Variants in ING2 observed in about 807,000 individuals in gnomAD.
The protein encoded by ING2 is inhibitor of growth family member 2.
In ING2, 7 loss-of-function variants were observed where a neutral mutation model predicts 30.6. That is an observed-to-expected ratio of 0.23 (90% confidence interval 0.13 to 0.43). The LOEUF (loss-of-function observed/expected upper bound fraction) is 0.43, where lower values mean the gene tolerates loss of function less well. Ranked by LOEUF, ING2 falls within the 20% of genes least tolerant of loss-of-function variation. The pLI, the probability that ING2 is intolerant of heterozygous loss-of-function variation, is 1.00. For missense variants in ING2, 239 were observed against 334.9 expected (o/e 0.71, Z 2.24); for synonymous variants, 136 against 121.7 (o/e 1.12, Z -0.78).
chr4:183,506,284 T>C (rs1179462468), intron 1 of ING2: 2 of 1,304,258 alleles, frequency 1.5e-6, no homozygotes, highest in Admixed American at 4.6e-5. Flanking sequence ...AGGACGGCGA[T>C]CAGCAGCTCG....
chr4:183,506,180 G>C, intron 1 of ING2: 1 of 1,296,386 alleles, frequency 7.7e-7, no homozygotes, highest in Non-Finnish European at 1.0e-6. Flanking sequence ...TCGGGGCTGT[G>C]CGGGGGCGTT....
chr4:183,510,639 C>T lies in ING2; in HGVS notation c.530C>T (p.Pro177Leu). The stretch of plus-strand genomic sequence containing the variant: ...GGGATTGAAGACTGTGATGATCAGC[C>T]ACCTAAAGAAAAGAAATCCAAGTCA... ...ANGIEDCDDQ[P>L]PKEKKSKSAK... The change falls in exon 2 of 2, where the codon CCA (proline) becomes CTA (leucine). Residue 177 changes from proline (P) to leucine (L), a missense_variant. Physicochemically the swap from Pro to Leu is moderately conservative, Grantham distance 98. Coordinates refer to ENST00000302327, the MANE Select transcript of ING2 (RefSeq NM_001564.4). The T allele has an allele frequency of 6.2e-7, 1 of 1,614,072 alleles. No homozygotes were observed. Among genetic ancestry groups the T allele is most frequent in the South Asian group, 1.1e-5 (1 of 91,080 alleles).
chr4:183,507,141 C>A (rs2111087046), intron 1 of ING2, among the ~76,000 whole-genome samples: 1 of 152,286 alleles, frequency 6.6e-6, no homozygotes, highest in East Asian at 1.9e-4. Flanking sequence ...TGCTCTGTCC[C>A]CTAGGCTGGA....
chr4:183,505,734 A>C (rs1430346404), intron 1 of ING2, among the ~76,000 whole-genome samples: 1 of 151,714 alleles, frequency 6.6e-6, no homozygotes, highest in African/African-American at 2.4e-5. Flanking sequence ...GGTCGGAGGG[A>C]GTGAGCGGCC....
At chr4:183,509,249 A>G (rs1028454510) in intron 1 of ING2, among the ~76,000 whole-genome samples, 2 of 152,170 alleles carry the variant, frequency 1.3e-5, no homozygotes, top group Non-Finnish European at 1.5e-5. Flanking sequence ...TGGACTGTAA[A>G]TCCTGTAAAC....
At position 183,511,823 on chromosome 4, in the gene ING2, G is replaced by A. The variant is rs1734827541; in HGVS notation, c.*871G>A. ...GTAGCCACAGGCCTATCAGTGGAAA[G>A]GGGCATATAGTAGTCTTTAAATATT... On this transcript the variant is annotated 3_prime_UTR_variant, in exon 2 of 2. Transcript: ENST00000302327. 6.6e-6 allele frequency among the ~76,000 whole-genome samples: 1 copy of A among 152,170 alleles called. No homozygotes were observed. Among genetic ancestry groups the A allele is most frequent in the Non-Finnish European group, 1.5e-5 (1 of 68,022 alleles).
intron 1 of ING2, among the ~76,000 whole-genome samples, chr4:183,509,619 T>C (rs1264470550): frequency 6.6e-6 from 1 of 151,902 alleles, no homozygotes; most frequent in Non-Finnish European, 1.5e-5. Flanking sequence ...CTAATTTTTT[T>C]TGTATTTTTA....
Position 183,505,247 on chromosome 4 carries a change from G to C in ING2, c.52G>C (p.Gly18Arg), listed in dbSNP as rs1734606524. The C allele has an allele frequency of 6.3e-7, 1 of 1,597,002 alleles. No homozygotes were observed. The highest frequency in any genetic ancestry group is 8.5e-7 in the Non-Finnish European group (1 of 1,172,914). The part of the protein sequence containing the change: ...QLYSSAALLT[G>R]ERSRLLTCYV... Reference sequence around the variant, plus strand: ...GTACTCGTCGGCCGCGCTCCTGACCGGGGAGCGGAGCCGGCTGCTCACCTG... The same window carrying C: ...GTACTCGTCGGCCGCGCTCCTGACCCGGGAGCGGAGCCGGCTGCTCACCTG... The change falls in exon 1 of 2, where the codon GGG becomes CGG. Residue 18 changes from glycine (G) to arginine (R), a missense_variant. This residue lies in a region of ING2 where 80 missense variants were observed against 102.4 expected (regional missense o/e 0.78). Coordinates refer to ENST00000302327, the MANE Select transcript of ING2 (RefSeq NM_001564.4).
At chr4:183,506,405 CCTT>C in intron 1 of ING2, 1 of 951,402 alleles carries the variant, frequency 1.1e-6, no homozygotes, top group Non-Finnish European at 1.5e-6. Flanking sequence ...CCGAGCCCCT[CCTT>C]CTCCGACTTT....
In ING2 at chr4:183,505,285, C is replaced by G. The variant is rs567832274; in HGVS notation, c.90C>G (p.Asp30Glu). 2.7e-5 allele frequency: 42 copies of G among 1,581,148 alleles called. 1 individual carries two copies. In the South Asian group the frequency reaches 4.5e-4, roughly 17 times the overall value. Residue 30 changes from aspartate to glutamate, a missense_variant, in exon 1 of 2, where the codon GAC becomes GAG. Physicochemically the swap from Asp to Glu is conservative, Grantham distance 45. Coordinates refer to ENST00000302327, the MANE Select transcript of ING2 (RefSeq NM_001564.4). ...RSRLLTCYVQ[D>E]YLECVESLPH... ...GGCTGCTCACCTGCTACGTGCAGGA[C>G]TACCTTGAGTGCGTGGAGTCGCTGC...
chr4:183,505,400 C>T (rs985245885), intron 1 of ING2, 33 bp downstream of exon 1: 3 of 1,507,634 alleles, frequency 2.0e-6, no homozygotes, highest in African/African-American at 1.4e-5. Context: ...CCTCGGGAGC[C>T]GGTGGCGGGG....
chr4:183,510,186 G>A (rs542316752), intron 1 of ING2, 96 bp from the exon 2 acceptor site: 1 of 853,620 alleles, frequency 1.2e-6, no homozygotes, highest in Admixed American at 2.6e-5. Flanking sequence ...TTCATGGTTT[G>A]AGTTCTAATT....
chr4:183,505,578 C>A (rs1579166388), intron 1 of ING2, among the ~76,000 whole-genome samples: 1 of 152,008 alleles, frequency 6.6e-6, no homozygotes, highest in South Asian at 2.1e-4. Context: ...GGGTGGGGGC[C>A]GCTTGTCAGC....
At chr4:183,506,427 A>G (rs62358469) in intron 1 of ING2, 138,307 of 765,572 alleles carry the variant, frequency 0.18, 14,077 homozygotes, top group Middle Eastern at 0.26. Context: ...TTAAGTGTGG[A>G]GGCGAAACCA....
rs919897212 is a variant in ING2, at chr4:183,512,100, G to A, written c.*1148G>A. Among the ~76,000 whole-genome samples the A allele has an allele frequency of 6.6e-6, 1 of 152,170 alleles. No homozygotes were observed. Among genetic ancestry groups the A allele is most frequent in the Non-Finnish European group, 1.5e-5 (1 of 68,030 alleles). On this transcript the variant is annotated 3_prime_UTR_variant, in exon 2 of 2. Coordinates refer to ENST00000302327, the MANE Select transcript of ING2 (RefSeq NM_001564.4). ...TGATGGATATATGTCCATATGTTTA[G>A]AGAAGGTTTTGGTTTTGGGGGCAGC...
chr4:183,511,072 G>GC lies in ING2; in HGVS notation c.*120_*121insC. Reference sequence around the variant, plus strand: ...TAATTTTTAATCATTAGTATTAATGGTGTATTAAAAGTTGTTGTACTTTGT... The same window carrying GC: ...TAATTTTTAATCATTAGTATTAATGGCTGTATTAAAAGTTGTTGTACTTTGT... On this transcript the variant is annotated 3_prime_UTR_variant, in exon 2 of 2. Transcript: ENST00000302327. 2.5e-6 allele frequency: 2 copies of GC among 807,622 alleles called. No homozygotes were observed. The highest frequency in any genetic ancestry group is 2.1e-5 in the South Asian group (1 of 48,710). 50.0% of individuals were successfully genotyped at this position (807,622 alleles called of 1,614,324 possible).
intron 1 of ING2, chr4:183,506,293 C>T (rs1477177971): frequency 2.3e-6 from 3 of 1,304,122 alleles, no homozygotes; most frequent in African/African-American, 3.0e-5. Context: ...ATCAGCAGCT[C>T]GGACCGTCGC....
At chr4:183,508,344 G>A (rs1734730163) in intron 1 of ING2, among the ~76,000 whole-genome samples, 1 of 151,906 alleles carries the variant, frequency 6.6e-6, no homozygotes, top group African/African-American at 2.4e-5. Flanking sequence ...TTGAAAAGAG[G>A]TTTGCCTCTT....
chr4:183,508,146 A>G (rs941732870), intron 1 of ING2, among the ~76,000 whole-genome samples: 3 of 151,718 alleles, frequency 2.0e-5, no homozygotes, highest in African/African-American at 7.3e-5. Flanking sequence ...TGGCTTCCTC[A>G]TGGGGTTGCT....
Sources: gnomAD v4.1 joint callset for allele counts (sites outside exome capture counted in the v4.1 genomes callset) on GRCh38, gnomAD v4.1.1 for gene constraint, gnomAD v4.1.1 regional missense constraint, MANE v1.5 for transcripts, NCBI Gene and HGNC (gene_info 2026-07-23, HGNC 2026-07-21) for gene names.